Variants in PCDHGA3 observed in about 807,000 individuals in gnomAD.
PCDHGA3 encodes protocadherin gamma subfamily A, 3.
A neutral mutation model predicts 58.5 loss-of-function variants in PCDHGA3; 40 were observed. The ratio of observed to expected loss-of-function variants is 0.68; its 90% CI spans 0.53 to 0.89. The LOEUF is 0.89. Among genes scored for constraint, PCDHGA3 ranks in the 40% least tolerant of loss-of-function variants. The pLI is 0.00. For synonymous variants in PCDHGA3, 530 were observed against 525.7 expected (o/e 1.01, Z -0.11); for missense variants, 1,223 against 1,195.9 (o/e 1.02, Z -0.33).
At chr5:141,424,129 T>G in intron 1 of PCDHGA3, 1 of 492,066 alleles carries the variant, frequency 2.0e-6, no homozygotes, top group Non-Finnish European at 2.7e-6. Context: ...TCCTGTTGAT[T>G]TAATAGCATG....
intron 1 of PCDHGA3, among the ~76,000 whole-genome samples, chr5:141,444,703 T>A (rs963617867): frequency 6.6e-6 from 1 of 152,248 alleles, no homozygotes; most frequent in Non-Finnish European, 1.5e-5. Context: ...TTCCTCTTTC[T>A]GTTGAATTTG....
intron 1 of PCDHGA3, among the ~76,000 whole-genome samples, chr5:141,433,847 A>C (rs979302028): frequency 6.6e-6 from 1 of 151,976 alleles, no homozygotes; most frequent in South Asian, 2.1e-4. Context: ...CAAAAAAAAA[A>C]AAAAAAAACT....
chr5:141,379,805 G>T (rs183993206), intron 1 of PCDHGA3, among the ~76,000 whole-genome samples: 71 of 149,374 alleles, frequency 4.8e-4, no homozygotes, highest in African/African-American at 1.7e-3. Flanking sequence ...GAGGTTTTGA[G>T]AGTTCAGTAT....
Position 141,343,898 on chromosome 5 carries a change from C to T in PCDHGA3, c.-136C>T. 1.3e-6 allele frequency: 1 copy of T among 789,338 alleles called. No homozygotes were observed. Among genetic ancestry groups the T allele is most frequent in the Non-Finnish European group, 2.0e-6 (1 of 511,996 alleles). 48.9% of individuals were successfully genotyped at this position (789,338 alleles called of 1,614,324 possible). A position where few individuals can be genotyped will look rare whatever the true frequency, so the allele number is the denominator to read the frequency against. On this transcript the variant is annotated 5_prime_UTR_variant, in exon 1 of 4. Coordinates refer to ENST00000253812, the MANE Select transcript of PCDHGA3 (RefSeq NM_018916.4). ...TCAGAAGATCCGGGGCGGCTGCCAACCTCACCTCTTAGTCAACCAGCTGTT... is the reference window on the plus strand; with the variant it reads ...TCAGAAGATCCGGGGCGGCTGCCAATCTCACCTCTTAGTCAACCAGCTGTT...
At chr5:141,407,967 T>C (rs1589649755) in intron 1 of PCDHGA3, 2 of 705,496 alleles carry the variant, frequency 2.8e-6, no homozygotes, top group South Asian at 2.3e-5. Flanking sequence ...GAGCAAGCGC[T>C]GACGCCGGGG....
At chr5:141,433,204 C>A in intron 1 of PCDHGA3, 1 of 1,566,946 alleles carries the variant, frequency 6.4e-7, no homozygotes, top group Non-Finnish European at 8.6e-7. Flanking sequence ...ATCAAATCTT[C>A]TTTCTTTTTT....
chr5:141,488,113 T>C (rs1053996929), intron 1 of PCDHGA3, among the ~76,000 whole-genome samples: 1 of 152,084 alleles, frequency 6.6e-6, no homozygotes, highest in African/African-American at 2.4e-5. Flanking sequence ...ATTTGAAACA[T>C]AGAGACAGCA....
rs778052844 is a variant in PCDHGA3, at chr5:141,486,259, T to C, written c.2425-8548T>C. ...CAGAGCTTGGAACCCTCCCCGAGAG[T>C]GCAGAACCTGGCACTGTGGTGGCAC... is the stretch of plus-strand genomic sequence containing the variant. On this transcript the variant is annotated intron_variant, in intron 1 of 3. Coordinates refer to ENST00000253812, the MANE Select transcript of PCDHGA3 (RefSeq NM_018916.4). This position sits in a 1 kb window ranked among gnomAD's most constrained non-coding sequence, Gnocchi z 5.0. 1 of 1,613,204 alleles carries C rather than the reference T, an allele frequency of 6.2e-7. No individual in the cohort carries two copies. The highest frequency in any genetic ancestry group is 8.5e-7 in the Non-Finnish European group (1 of 1,179,716).
Position 141,346,446 on chromosome 5 carries a change from A to T in PCDHGA3, c.2413A>T (p.Asn805Tyr). The T allele has an allele frequency of 6.2e-7, 1 of 1,614,264 alleles. No individual in the cohort carries two copies. The highest frequency in any genetic ancestry group is 8.5e-7 in the Non-Finnish European group (1 of 1,180,048). Residue 805 changes from asparagine (N) to tyrosine (Y), a missense_variant, in exon 1 of 4, where the codon AAC (asparagine) becomes TAC (tyrosine). Transcript: ENST00000253812. The part of the protein sequence containing the change: ...QDLLEMKGDS[N>Y]LLQQAPPNTD... Reference sequence around the variant, plus strand: ...TTTACTTGAAATGAAAGGAGATTCCAACCTACTTCAGGTGAGTTTATTTAT... The same window carrying T: ...TTTACTTGAAATGAAAGGAGATTCCTACCTACTTCAGGTGAGTTTATTTAT...
chr5:141,494,441 C>T (rs1187169994), intron 1 of PCDHGA3, among the ~76,000 whole-genome samples: 2 of 152,154 alleles, frequency 1.3e-5, no homozygotes, highest in African/African-American at 4.8e-5. Context: ...TCCTTTGCCA[C>T]TTTAGGGGGC....
intron 1 of PCDHGA3, chr5:141,402,869 C>G (rs1051518401): frequency 6.7e-5 from 97 of 1,448,564 alleles, no homozygotes; most frequent in Admixed American, 6.1e-4. Flanking sequence ...GAAAAGATCA[C>G]CATACTTTGC....
chr5:141,358,728 A>C (rs1761003204), intron 1 of PCDHGA3, among the ~76,000 whole-genome samples: 1 of 152,196 alleles, frequency 6.6e-6, no homozygotes, highest in African/African-American at 2.4e-5. Flanking sequence ...GGAAAATATA[A>C]GTTTTTGGAG....
At chr5:141,484,921 T>A in intron 1 of PCDHGA3, 1 of 478,304 alleles carries the variant, frequency 2.1e-6, no homozygotes, top group South Asian at 2.8e-5. Flanking sequence ...TTAACCCTGC[T>A]GCTGTTGGGA....
chr5:141,384,410 A>T, intron 1 of PCDHGA3: 3 of 1,613,844 alleles, frequency 1.9e-6, no homozygotes, highest in Non-Finnish European at 2.5e-6. Flanking sequence ...GTGTCCTCCT[A>T]TGTCTCCATA....
chr5:141,364,502 G>A (rs781499695), intron 1 of PCDHGA3: 2 of 1,614,026 alleles, frequency 1.2e-6, no homozygotes, highest in Non-Finnish European at 1.7e-6. Flanking sequence ...GGAGCCCCAG[G>A]AGCTGGCGGA....
intron 1 of PCDHGA3, among the ~76,000 whole-genome samples, chr5:141,469,403 C>T (rs902543178): frequency 4.6e-5 from 7 of 152,060 alleles, no homozygotes; most frequent in South Asian, 2.1e-4. Context: ...GGTGAAACCC[C>T]GTTTCTACTA....
intron 1 of PCDHGA3, chr5:141,398,592 A>G: frequency 6.2e-7 from 1 of 1,614,068 alleles, no homozygotes; most frequent in South Asian, 1.1e-5. Flanking sequence ...TTATACTAGA[A>G]GTAGCAGAAG....
chr5:141,504,315 A>G (rs573050088), intron 2 of PCDHGA3, among the ~76,000 whole-genome samples: 1 of 152,248 alleles, frequency 6.6e-6, no homozygotes, highest in East Asian at 1.9e-4. Flanking sequence ...AGTTTCTAAA[A>G]GTCTCACTTA....
intron 1 of PCDHGA3, chr5:141,370,497 T>C: frequency 1.2e-6 from 2 of 1,613,956 alleles, no homozygotes; most frequent in Non-Finnish European, 1.7e-6. Context: ...ACCGATCCGC[T>C]ACGCTATTCC....
Sources: gnomAD v4.1 joint callset for allele counts (sites outside exome capture counted in the v4.1 genomes callset) on GRCh38, gnomAD v4.1.1 for gene constraint, Gnocchi (gnomAD v3.1) non-coding constraint, MANE v1.5 for transcripts, NCBI Gene and HGNC (gene_info 2026-07-23, HGNC 2026-07-21) for gene names.